Variants in TXLNB observed in about 807,000 individuals in gnomAD.
TXLNB encodes the protein beta-taxilin.
TXLNB carries 37 observed loss-of-function variants against 57.4 expected under a neutral mutation model. That is an observed-to-expected ratio of 0.64 (90% CI 0.50 to 0.85). The LOEUF (loss-of-function observed/expected upper bound fraction) is 0.85. TXLNB is among the 40% of genes least tolerant of loss of function. TXLNB has a pLI of 0.00. For missense variants in TXLNB, 848 were observed against 825.6 expected, an observed-to-expected ratio of 1.03 and a Z score of -0.33; for synonymous variants, 302 against 309.6, an observed-to-expected ratio of 0.98 and a Z score of 0.26.
At position 139,244,835 on chromosome 6, in the gene TXLNB, T is replaced by C. The variant is rs1448433381; in HGVS notation, c.1171-145A>G. 4.7e-6 allele frequency: 3 copies of C among 632,964 alleles called. No individual in the cohort carries two copies. The African/African-American group carries it at 5.5e-5, about 12-fold the overall frequency. 39.2% of individuals were successfully genotyped at this position (632,964 alleles called of 1,614,324 possible). On this transcript the variant is annotated intron_variant, in intron 8 of 9. Coordinates refer to ENST00000358430, the MANE Select transcript of TXLNB (RefSeq NM_153235.4). ...TGTTCAATGTCAAGAATGAAGATTG[T>C]AGCAGAGTCATAATTTATTTCTGAG...
At chr6:139,216,948 C>G in the TXLNB span, among the ~76,000 whole-genome samples, 2 of 152,134 alleles carry the variant, frequency 1.3e-5, no homozygotes, top group Admixed American at 1.3e-4. Context: ...GCACCAAAAT[C>G]TCAGAAATCA....
chr6:139,293,181 TC>T (rs1420391729), upstream of TXLNB, among the ~76,000 whole-genome samples: 1 of 152,090 alleles, frequency 6.6e-6, no homozygotes, highest in Non-Finnish European at 1.5e-5. Context: ...CACTGCAACC[TC>T]CCGGGTTCAA....
chr6:139,210,224 G>A, the TXLNB span, among the ~76,000 whole-genome samples: 1 of 151,930 alleles, frequency 6.6e-6, no homozygotes, highest in African/African-American at 2.4e-5. Flanking sequence ...ATGTTGGAGG[G>A]GGGTGTGGTG....
intron 2 of TXLNB, chr6:139,277,240 G>A: frequency 4.8e-6 from 1 of 206,966 alleles, no homozygotes; most frequent in Non-Finnish European, 9.5e-6. Flanking sequence ...AGAATCAAAA[G>A]ATTTTATACA....
chr6:139,170,472 A>C, the TXLNB span: 2 of 152,268 alleles, frequency 1.3e-5, no homozygotes, highest in Admixed American at 6.5e-5. Flanking sequence ...TCGTAAAAAG[A>C]GGCAGCATGA....
At chr6:139,191,521 C>T in the TXLNB span, among the ~76,000 whole-genome samples, 1 of 152,196 alleles carries the variant, frequency 6.6e-6, no homozygotes, top group Admixed American at 6.5e-5. Context: ...TTGGACAGCA[C>T]CCATTATACA....
rs150301980 is a variant in TXLNB at position 139,261,329 on chromosome 6, A to AGATAAAATG, written c.883-901_883-893dup. Among the ~76,000 whole-genome samples the AGATAAAATG allele has an allele frequency of 1.5e-3, 226 of 152,278 alleles. 3 individuals carry two copies. The East Asian group carries it at 0.027, about 18-fold the overall frequency. On this transcript the variant is annotated intron_variant, in intron 5 of 9. Transcript: ENST00000358430. ...TGGAGCGGGATTGATCCTTATGACA[A>AGATAAAATG]GATAAAATGGTAGCATGGCATTTTG...
chr6:139,307,011 A>G, the TXLNB span, among the ~76,000 whole-genome samples: 4 of 152,202 alleles, frequency 2.6e-5, no homozygotes, highest in Non-Finnish European at 4.4e-5. Context: ...TTGGATCATT[A>G]TTCCAGCTTA....
chr6:139,260,715 C>T (rs1316552967), intron 5 of TXLNB, among the ~76,000 whole-genome samples: 1 of 152,118 alleles, frequency 6.6e-6, no homozygotes, highest in Non-Finnish European at 1.5e-5. Flanking sequence ...TATTTTTCTA[C>T]GTTTGGTAAC....
At chr6:139,321,061 T>C in the TXLNB span, among the ~76,000 whole-genome samples, 1 of 152,218 alleles carries the variant, frequency 6.6e-6, no homozygotes, top group Non-Finnish European at 1.5e-5. Flanking sequence ...CAGACATCCA[T>C]GTTCTTTCAG....
chr6:139,180,669 T>C, the TXLNB span: 4 of 152,630 alleles, frequency 2.6e-5, no homozygotes, highest in Admixed American at 6.5e-5. Context: ...TGCACTTTTG[T>C]TGAGGAAAGA....
chr6:139,181,589 C>T, the TXLNB span, among the ~76,000 whole-genome samples: 1 of 152,184 alleles, frequency 6.6e-6, no homozygotes, highest in East Asian at 1.9e-4. Flanking sequence ...TGTACTCATA[C>T]ACTTGTTCTA....
the TXLNB span, among the ~76,000 whole-genome samples, chr6:139,323,540 C>T: frequency 1.3e-5 from 2 of 152,170 alleles, no homozygotes; most frequent in African/African-American, 2.4e-5. Flanking sequence ...GCCTCGGCCT[C>T]CCAGAGTGCT....
chr6:139,244,209 G>A (rs7752276), intron 9 of TXLNB, among the ~76,000 whole-genome samples: 1 of 152,176 alleles, frequency 6.6e-6, no homozygotes, highest in Non-Finnish European at 1.5e-5. Flanking sequence ...GTGTCTTCTC[G>A]CAGTATGTTC....
At chr6:139,295,352 AAAGAACAC>A (rs1410504872), upstream of TXLNB, among the ~76,000 whole-genome samples, 1 of 152,238 alleles carries the variant, frequency 6.6e-6, no homozygotes, top group Non-Finnish European at 1.5e-5. Context: ...ATCAACGTTA[AAAGAACAC>A]AAATTACACG....
At chr6:139,297,682 T>C in the TXLNB span, among the ~76,000 whole-genome samples, 1 of 152,236 alleles carries the variant, frequency 6.6e-6, no homozygotes, top group Non-Finnish European at 1.5e-5. Flanking sequence ...ATGATTGTTA[T>C]GAAATTAACA....
the TXLNB span, among the ~76,000 whole-genome samples, chr6:139,308,602 A>C: frequency 6.6e-6 from 1 of 152,188 alleles, no homozygotes; most frequent in Admixed American, 6.5e-5. Context: ...CTATGTCGTT[A>C]GTGGTTGACT....
chr6:139,315,089 T>C, the TXLNB span, among the ~76,000 whole-genome samples: 1 of 152,096 alleles, frequency 6.6e-6, no homozygotes, highest in East Asian at 1.9e-4. Context: ...CTGAACTCCA[T>C]GGATCAGCCG....
At chr6:139,244,552 G>C (rs749323116) in intron 9 of TXLNB, 43 bp downstream of exon 9, 1 of 1,280,648 alleles carries the variant, frequency 7.8e-7, no homozygotes, top group Non-Finnish European at 1.1e-6. Flanking sequence ...TGAATGTTTT[G>C]ACTAGACAGA....
Sources: allele counts gnomAD v4.1 joint callset (sites outside exome capture counted in the v4.1 genomes callset), GRCh38; gene constraint gnomAD v4.1.1; transcripts MANE v1.5; gene names NCBI Gene and HGNC (gene_info 2026-07-23, HGNC 2026-07-21).